The following TRIM14 variants were observed in gnomAD, a reference collection of about 807,000 sequenced individuals.
TRIM14 encodes tripartite motif containing 14.
Under a neutral mutation model 44.5 loss-of-function variants are expected in TRIM14, and 28 were observed. That is an observed-to-expected ratio of 0.63 (90% CI 0.47 to 0.86). The LOEUF is 0.86. Ranked by LOEUF, TRIM14 falls within the 40% of genes least tolerant of loss-of-function variation. The pLI, the probability that TRIM14 is intolerant of heterozygous loss-of-function variation, is 0.00. For synonymous variants in TRIM14, 299 were observed against 269.2 expected, an observed-to-expected ratio of 1.11 and a Z score of -1.08; for missense variants, 607 against 611.1, an observed-to-expected ratio of 0.99 and a Z score of 0.07.
At chr9:98,037,820 C>T in the TRIM14 span, among the ~76,000 whole-genome samples, 10 of 152,130 alleles carry the variant, frequency 6.6e-5, no homozygotes, top group Non-Finnish European at 1.3e-4. Context: ...ACTCTGGGTA[C>T]TCTAGCTTCT....
the TRIM14 span, among the ~76,000 whole-genome samples, chr9:98,037,332 C>T: frequency 2.6e-5 from 4 of 151,840 alleles, no homozygotes; most frequent in South Asian, 2.1e-4. Flanking sequence ...GAGCTGAGAT[C>T]GTGCCACTGC....
At chr9:98,101,049 C>A (rs1378206581) in intron 2 of TRIM14, among the ~76,000 whole-genome samples, 1 of 152,120 alleles carries the variant, frequency 6.6e-6, no homozygotes, top group Non-Finnish European at 1.5e-5. Flanking sequence ...GATCTTGGCT[C>A]ACAGCAACCA....
At chr9:98,113,113 CAAAAAAAAAAAAAAA>C (rs57908629) in intron 1 of TRIM14, among the ~76,000 whole-genome samples, 3 of 39,250 alleles carry the variant, frequency 7.6e-5, no homozygotes, top group African/African-American at 2.2e-4. Flanking sequence ...AACTCCATCT[CAAAAAAAAAAAAAAA>C]AAAAAAAAAG....
At chr9:98,068,227 C>T (rs145096254), downstream of TRIM14, among the ~76,000 whole-genome samples, 45 of 152,232 alleles carry the variant, frequency 3.0e-4, no homozygotes, top group African/African-American at 5.8e-4. Context: ...CTCCAACTCC[C>T]GGGTTCAAGC....
the TRIM14 span, among the ~76,000 whole-genome samples, chr9:98,040,720 C>G: frequency 6.6e-6 from 1 of 151,466 alleles, no homozygotes; most frequent in African/African-American, 2.4e-5. Context: ...TGCAGTGGCG[C>G]GATCTCAGCT....
chr9:98,064,400 C>A (rs1829074695), downstream of TRIM14, among the ~76,000 whole-genome samples: 1 of 152,016 alleles, frequency 6.6e-6, no homozygotes, highest in Non-Finnish European at 1.5e-5. Flanking sequence ...ATTACAGGCG[C>A]CTGCCACCAC....
chr9:98,117,548 G>C (rs770146145), intron 1 of TRIM14, among the ~76,000 whole-genome samples: 42 of 152,280 alleles, frequency 2.8e-4, no homozygotes, highest in Non-Finnish European at 6.0e-4. Context: ...TCCTGCCTCA[G>C]CCTCCCAAAG....
downstream of TRIM14, among the ~76,000 whole-genome samples, chr9:98,080,348 T>C (rs139803091): frequency 3.3e-5 from 5 of 152,384 alleles, no homozygotes; most frequent in African/African-American, 7.2e-5. Flanking sequence ...CAGTGAATTA[T>C]AGATAACGGA....
chr9:98,118,830 C>G lies in TRIM14; in HGVS notation c.207+152G>C, dbSNP rs1427742589. 3 of 924,824 alleles carry G rather than the reference C, an allele frequency of 3.2e-6. No homozygotes were observed. In the African/African-American group the frequency reaches 5.3e-5, roughly 16 times the overall value. The allele number at this position is 924,824 out of a possible 1,614,324, so 57.3% of individuals were successfully genotyped here. A position where few individuals can be genotyped will look rare whatever the true frequency, so the allele number is the denominator to read the frequency against. ...GTCTCAGGCTCCCGCTCTGAACTTT[C>G]GGTCGACCGCTTAGACGCCCTCTGG... On this transcript the variant is annotated intron_variant, in intron 1 of 5. Transcript: ENST00000341469.
chr9:98,098,687 GA>G (rs1279845320), intron 3 of TRIM14, among the ~76,000 whole-genome samples: 1 of 152,084 alleles, frequency 6.6e-6, no homozygotes, highest in East Asian at 1.9e-4. Context: ...CTGGGCGACA[GA>G]GCAAGACTCC....
At chr9:98,041,030 C>T in the TRIM14 span, among the ~76,000 whole-genome samples, 1 of 152,118 alleles carries the variant, frequency 6.6e-6, no homozygotes, top group African/African-American at 2.4e-5. Flanking sequence ...CTCAAGTGAT[C>T]CACCCACCTT....
the TRIM14 span, among the ~76,000 whole-genome samples, chr9:98,061,514 T>G: frequency 1.4e-5 from 2 of 140,200 alleles, no homozygotes; most frequent in East Asian, 2.1e-4. Flanking sequence ...AGGCGCGGTG[T>G]CTCACACCTG....
At chr9:98,078,968 G>A (rs1383677214) in intron 6 of TRIM14, among the ~76,000 whole-genome samples, 1 of 152,008 alleles carries the variant, frequency 6.6e-6, no homozygotes, top group African/African-American at 2.4e-5. Flanking sequence ...CTGAGTTATA[G>A]GAGGCCTTCT....
chr9:98,081,023 C>A (rs145067627), downstream of TRIM14: 1 of 1,614,090 alleles, frequency 6.2e-7, no homozygotes, highest in African/African-American at 1.3e-5. Flanking sequence ...TCTTGTGGAG[C>A]GTGCCCTGGG....
chr9:98,118,835 G>T, intron 1 of TRIM14, 147 bp downstream of exon 1: 1 of 967,888 alleles, frequency 1.0e-6, no homozygotes, highest in Non-Finnish European at 1.4e-6. Flanking sequence ...ACTTTCGGTC[G>T]ACCGCTTAGA....
downstream of TRIM14, chr9:98,083,095 G>T: frequency 6.3e-7 from 1 of 1,593,670 alleles, no homozygotes; most frequent in South Asian, 1.1e-5. Flanking sequence ...TTCCCTTGCT[G>T]ATGCTGTCAG....
intron 3 of TRIM14, among the ~76,000 whole-genome samples, chr9:98,097,021 C>T (rs1457568503): frequency 2.0e-5 from 3 of 152,146 alleles, no homozygotes; most frequent in African/African-American, 7.2e-5. Context: ...TGGTGAAACA[C>T]TGTCTCTACT....
rs751619874 is a variant in TRIM14, at chr9:98,119,166, C to G, written c.23G>C (p.Ser8Thr). The G allele has an allele frequency of 1.9e-6, 3 of 1,578,626 alleles. No homozygotes were observed. In the South Asian group the frequency reaches 3.4e-5, roughly 18 times the overall value. Reference sequence around the variant, plus strand: ...AAGCTCCGACCTCCCAGGGGTCCGGCTCCCGGTCGCCGCGCCCGCCATTCA... The same window carrying G: ...AAGCTCCGACCTCCCAGGGGTCCGGGTCCCGGTCGCCGCGCCCGCCATTCA... MAGAATG[S>T]RTPGRSELVE... The change falls in exon 1 of 6, where the codon AGC (serine) becomes ACC (threonine). Residue 8 changes from serine to threonine, a missense_variant. Transcript: ENST00000341469.
At chr9:98,056,902 G>T in the TRIM14 span, 1 of 1,610,482 alleles carries the variant, frequency 6.2e-7, no homozygotes, top group African/African-American at 1.3e-5. Context: ...CCACCAGGGC[G>T]ACCTGGACGT....
Sources: allele counts gnomAD v4.1 joint callset (sites outside exome capture counted in the v4.1 genomes callset), GRCh38; gene constraint gnomAD v4.1.1; transcripts MANE v1.5; gene names NCBI Gene and HGNC (gene_info 2026-07-23, HGNC 2026-07-21).